Variants in LRRC2 observed in about 807,000 individuals in gnomAD.
LRRC2 encodes leucine-rich repeat-containing protein 2.
In LRRC2, 27 loss-of-function variants were observed where a neutral mutation model predicts 40.2. The observed-to-expected ratio is 0.67, with a 90% CI of 0.49 to 0.93. The LOEUF (loss-of-function observed/expected upper bound fraction) is 0.93. Ranked by LOEUF, LRRC2 falls within the 40% of genes least tolerant of loss-of-function variation. The pLI is 0.00. For missense variants in LRRC2, 402 were observed against 439.6 expected, an observed-to-expected ratio of 0.91 and a Z score of 0.76; for synonymous variants, 147 against 158.9, an observed-to-expected ratio of 0.92 and a Z score of 0.56.
chr3:46,527,621 A>G (rs745794758), intron 6 of LRRC2, 40 bp from the exon 7 acceptor site: 1 of 1,550,838 alleles, frequency 6.4e-7, no homozygotes, highest in East Asian at 2.2e-5. Context: ...TGGACTTAGC[A>G]TCATAGCTAA....
Position 46,517,880 on chromosome 3 carries a change from G to C in LRRC2, c.*1134C>G, listed in dbSNP as rs1355169024. ...CAGAGTTGTCCTGTGGTACCCACAA[G>C]GAAGCCTTGCTAGGAACTCCTTATC... is the stretch of plus-strand genomic sequence containing the variant. On this transcript the variant is annotated 3_prime_UTR_variant, in exon 9 of 9. Transcript: ENST00000395905. 3 of 152,226 alleles carry C rather than the reference G, an allele frequency of 2.0e-5. No homozygotes were observed. The highest frequency in any genetic ancestry group is 4.8e-5 in the African/African-American group (2 of 41,452). 9.4% of individuals were successfully genotyped at this position (152,226 alleles called of 1,614,324 possible). A position where few individuals can be genotyped will look rare whatever the true frequency, so the allele number is the denominator to read the frequency against.
intron 8 of LRRC2, 84 bp from the exon 9 acceptor site, chr3:46,519,147 T>C: frequency 1.1e-6 from 1 of 892,814 alleles, no homozygotes; most frequent in Non-Finnish European, 1.9e-6. Context: ...ACATAATGAA[T>C]GTATGTCAAT....
Position 46,515,535 on chromosome 3 carries a change from T to C in LRRC2, c.*3479A>G, listed in dbSNP as rs983187568. On this transcript the variant is annotated 3_prime_UTR_variant, in exon 9 of 9. Coordinates refer to ENST00000395905, the MANE Select transcript of LRRC2 (RefSeq NM_024512.5). ...TCTCCATATTTTCACAAGATATATA[T>C]TCTCCTTTGGAATCTTTCTGCACAT... is the stretch of plus-strand genomic sequence containing the variant. The C allele has an allele frequency of 1.3e-5, 2 of 152,214 alleles. No homozygotes were observed. The highest frequency in any genetic ancestry group is 4.8e-5 in the African/African-American group (2 of 41,466). The allele number at this position is 152,214 out of a possible 1,614,324, so 9.4% of individuals were successfully genotyped here. A position where few individuals can be genotyped will look rare whatever the true frequency, so the allele number is the denominator to read the frequency against.
At chr3:46,542,290 G>A (rs1704411769) in intron 3 of LRRC2, among the ~76,000 whole-genome samples, 1 of 151,948 alleles carries the variant, frequency 6.6e-6, no homozygotes, top group South Asian at 2.1e-4. Context: ...TTGAGCCTAG[G>A]AGTTCAAGAC....
intron 3 of LRRC2, among the ~76,000 whole-genome samples, chr3:46,541,243 G>A (rs550558190): frequency 6.6e-6 from 1 of 150,626 alleles, no homozygotes. Flanking sequence ...TGAGGCAGGA[G>A]AATGGTGTGA....
chr3:46,530,125 G>T, intron 5 of LRRC2, 75 bp from the exon 6 acceptor site: 10 of 1,218,968 alleles, frequency 8.2e-6, no homozygotes, highest in Non-Finnish European at 1.1e-5. Flanking sequence ...ATTTTAAGAT[G>T]GATATTTCTT....
At chr3:46,550,675 G>A (rs1458940215) in intron 2 of LRRC2, among the ~76,000 whole-genome samples, 1 of 152,224 alleles carries the variant, frequency 6.6e-6, no homozygotes, top group Admixed American at 6.5e-5. Context: ...ACAGGCGTGA[G>A]CCACTGCGCC....
At chr3:46,548,034 G>A (rs1704567590) in intron 2 of LRRC2, among the ~76,000 whole-genome samples, 1 of 152,156 alleles carries the variant, frequency 6.6e-6, no homozygotes, top group South Asian at 2.1e-4. Flanking sequence ...GCAAGTTCTT[G>A]TATTCACTGG....
intron 1 of LRRC2, among the ~76,000 whole-genome samples, chr3:46,554,515 C>T (rs1029296723): frequency 1.3e-5 from 2 of 151,852 alleles, no homozygotes; most frequent in Non-Finnish European, 2.9e-5. Context: ...CATGGTGGTG[C>T]ACACCTGTAG....
chr3:46,530,040 A>G lies in LRRC2; in HGVS notation c.638T>C (p.Leu213Ser), dbSNP rs1473424490. 6.2e-7 allele frequency: 1 copy of G among 1,610,860 alleles called. No homozygotes were observed. The highest frequency in any genetic ancestry group is 1.3e-5 in the African/African-American group (1 of 74,862). ...LMELPFELSN[L>S]KQVTFVDISA... is the part of the protein sequence containing the mutation. The stretch of plus-strand genomic sequence containing the variant: ...GATATCTACAAATGTAACTTGCTTC[A>G]AATTACTTAACTAGAAATGAATAAC... The change falls in exon 6 of 9, where the codon TTG (leucine) becomes TCG (serine). Residue 213 changes from leucine (L) to serine (S), a missense_variant. By Grantham distance (145) the Leu-to-Ser change is moderately radical (BLOSUM62 -2). Transcript: ENST00000395905.
At chr3:46,522,253 T>C (rs61151866) in intron 7 of LRRC2, among the ~76,000 whole-genome samples, 7,405 of 151,952 alleles carry the variant, frequency 0.049, 641 homozygotes, top group African/African-American at 0.17. Context: ...CAGGCGCCTA[T>C]AATCCCAGCT....
intron 5 of LRRC2, 98 bp downstream of exon 5, chr3:46,532,675 T>C (rs866874723): frequency 7.2e-6 from 9 of 1,256,650 alleles, no homozygotes; most frequent in Admixed American, 2.2e-5. Flanking sequence ...ATAATAAAGA[T>C]AGATTTCATA....
intron 7 of LRRC2, 152 bp downstream of exon 7, chr3:46,527,274 T>C: frequency 1.3e-6 from 1 of 790,954 alleles, no homozygotes; most frequent in South Asian, 1.9e-5. Flanking sequence ...CAAAATCCTG[T>C]AAAAAGTCAC....
intron 1 of LRRC2, among the ~76,000 whole-genome samples, chr3:46,551,975 A>G (rs1403112077): frequency 6.6e-6 from 1 of 151,750 alleles, no homozygotes; most frequent in Non-Finnish European, 1.5e-5. Context: ...TAATTTTTTA[A>G]TTTTTTGTGG....
intron 6 of LRRC2, among the ~76,000 whole-genome samples, chr3:46,528,191 G>A (rs1396577390): frequency 1.3e-5 from 2 of 152,112 alleles, no homozygotes; most frequent in African/African-American, 2.4e-5. Flanking sequence ...TCCCTTCCGA[G>A]AGTCTACTGC....
intron 4 of LRRC2, among the ~76,000 whole-genome samples, 174 bp from the exon 5 acceptor site, chr3:46,533,083 T>A (rs952889915): frequency 6.6e-6 from 1 of 152,248 alleles, no homozygotes; most frequent in Non-Finnish European, 1.5e-5. Flanking sequence ...TGTAGCATCA[T>A]GACCCCGAGG....
rs1470040370 is a variant in LRRC2, at chr3:46,531,082, C to T, written c.628-1032G>A. ...TCATAAATGTATATGCAACTAACAA[C>T]GTAAAATATATGAAGTAAAAACTGA... is the stretch of plus-strand genomic sequence containing the variant. On this transcript the variant is annotated intron_variant, in intron 5 of 8. Coordinates refer to ENST00000395905, the MANE Select transcript of LRRC2 (RefSeq NM_024512.5). Among the ~76,000 whole-genome samples, 5 of 151,250 alleles carry T rather than the reference C, an allele frequency of 3.3e-5. No individual in the cohort carries two copies. In the East Asian group the frequency reaches 7.7e-4, roughly 23 times the overall value.
rs549135155 is a variant in LRRC2, at chr3:46,538,063, C to T, written c.490+982G>A. 1.6e-4 allele frequency among the ~76,000 whole-genome samples: 25 copies of T among 152,296 alleles called. No homozygotes were observed. In the South Asian group the frequency reaches 1.9e-3, roughly 11 times the overall value. Reference sequence around the variant, plus strand: ...AGATCGGCCTGGGTAAGAGGGTGGTCAGAGCCTTGTAGTCTTGACACAGCC... The same window carrying T: ...AGATCGGCCTGGGTAAGAGGGTGGTTAGAGCCTTGTAGTCTTGACACAGCC... On this transcript the variant is annotated intron_variant, in intron 4 of 8. Transcript: ENST00000395905.
chr3:46,520,859 A>T (rs1575342683), intron 8 of LRRC2, among the ~76,000 whole-genome samples: 1 of 152,188 alleles, frequency 6.6e-6, no homozygotes, highest in East Asian at 1.9e-4. Context: ...CCAAAGACTG[A>T]TGTATGCCTT....
Sources: gnomAD v4.1 joint callset for allele counts (sites outside exome capture counted in the v4.1 genomes callset) on GRCh38, gnomAD v4.1.1 for gene constraint, MANE v1.5 for transcripts, NCBI Gene and HGNC (gene_info 2026-07-23, HGNC 2026-07-21) for gene names.